Variants in WDR5 observed in about 807,000 individuals in gnomAD.
The protein encoded by WDR5 is WD repeat domain 5.
For synonymous variants in WDR5, 144 were observed against 161.6 expected, an observed-to-expected ratio of 0.89 and a Z score of 0.83; for missense variants, 187 against 416.9, an observed-to-expected ratio of 0.45 and a Z score of 4.80.
chr9:134,139,802 C>T lies in WDR5; in HGVS notation c.-58-18C>T. The T allele has an allele frequency of 1.3e-6, 2 of 1,494,384 alleles. No individual in the cohort carries two copies. The highest frequency in any genetic ancestry group is 1.9e-6 in the Non-Finnish European group (2 of 1,080,758). 92.6% of individuals were successfully genotyped at this position (1,494,384 alleles called of 1,614,324 possible). A position where few individuals can be genotyped will look rare whatever the true frequency, so the allele number is the denominator to read the frequency against. On this transcript the variant is annotated intron_variant, in intron 1 of 13. Transcript: ENST00000358625. ...ATAGTTTGTTTCTTGGCTCCCTGTTCTGCATCTCGCTCAACAGACTGCCTC... is the reference window on the plus strand; with the variant it reads ...ATAGTTTGTTTCTTGGCTCCCTGTTTTGCATCTCGCTCAACAGACTGCCTC...
chr9:134,154,360 G>T, intron 9 of WDR5, 106 bp from the exon 10 acceptor site: 2 of 1,165,268 alleles, frequency 1.7e-6, no homozygotes, highest in South Asian at 1.3e-5. Context: ...GGTGGTGGCC[G>T]ACCTCACTCA....
intron 9 of WDR5, 62 bp from the exon 10 acceptor site, chr9:134,154,404 A>T: frequency 6.4e-7 from 1 of 1,563,790 alleles, no homozygotes; most frequent in Non-Finnish European, 8.8e-7. Context: ...AGCGGGTCCC[A>T]CCTCCTGTCC....
At chr9:134,137,820 C>G (rs1831656900) in intron 1 of WDR5, among the ~76,000 whole-genome samples, 1 of 152,244 alleles carries the variant, frequency 6.6e-6, no homozygotes, top group South Asian at 2.1e-4. Context: ...GTGGCGCAAT[C>G]TTGGTTCTGC....
chr9:134,153,689 G>A (rs920141352), intron 9 of WDR5, among the ~76,000 whole-genome samples: 6 of 152,192 alleles, frequency 3.9e-5, no homozygotes, highest in Admixed American at 1.3e-4. Flanking sequence ...TGGTAATGCT[G>A]AGGGCCGTGT....
chr9:134,148,390 G>C, intron 8 of WDR5, 47 bp downstream of exon 8: 1 of 1,544,682 alleles, frequency 6.5e-7, no homozygotes, highest in South Asian at 1.1e-5. Context: ...GCTTAACTAA[G>C]GGCCAGCTCT....
chr9:134,141,457 G>A, intron 3 of WDR5, 53 bp from the exon 4 acceptor site: 1 of 1,582,568 alleles, frequency 6.3e-7, no homozygotes. Context: ...GACTCTGGAT[G>A]ACTAGACAAT....
chr9:134,156,471 T>C, intron 12 of WDR5, 35 bp from the exon 13 acceptor site: 4 of 1,604,004 alleles, frequency 2.5e-6, no homozygotes, highest in Non-Finnish European at 3.4e-6. Flanking sequence ...GACCTGCTTT[T>C]CCTTGCCCTG....
At chr9:134,140,655 T>G in intron 2 of WDR5, 48 bp from the exon 3 acceptor site, 1 of 1,508,210 alleles carries the variant, frequency 6.6e-7, no homozygotes. Context: ...TGGTCACGGG[T>G]GGAACGTACA....
chr9:134,142,782 GC>G, intron 7 of WDR5, 63 bp downstream of exon 7: 1 of 1,545,724 alleles, frequency 6.5e-7, no homozygotes, highest in Non-Finnish European at 8.9e-7. Context: ...ATCGGATGTG[GC>G]CAGCTGTCTC....
intron 7 of WDR5, 101 bp downstream of exon 7, chr9:134,142,820 C>G: frequency 8.1e-7 from 1 of 1,235,890 alleles, no homozygotes; most frequent in Non-Finnish European, 1.2e-6. Context: ...CTGGCCATGG[C>G]CTGTGCCTAG....
In WDR5 at chr9:134,152,535, G is replaced by A. The variant is rs28372151; in HGVS notation, c.631+506G>A. Among the ~76,000 whole-genome samples, 459 of 152,340 alleles carry A rather than the reference G, an allele frequency of 3.0e-3. 3 individuals are homozygous for A. The highest frequency in any genetic ancestry group is 0.022 in the South Asian group (104 of 4,828). ...GTGCTGGGCAGGGTGTGGCCTGAGG[G>A]TCTGTGACGGCCCGGGGTTCCCAGC... On this transcript the variant is annotated intron_variant, in intron 9 of 13. Transcript: ENST00000358625.
intron 11 of WDR5, 124 bp downstream of exon 11, chr9:134,155,497 T>C (rs1832707517): frequency 7.2e-7 from 1 of 1,388,230 alleles, no homozygotes; most frequent in Non-Finnish European, 9.8e-7. Context: ...CCGCTGGGTT[T>C]GGTGCGAATT....
At chr9:134,143,979 G>A (rs999048481) in intron 7 of WDR5, among the ~76,000 whole-genome samples, 17 of 152,352 alleles carry the variant, frequency 1.1e-4, no homozygotes, top group Middle Eastern at 3.4e-3. Context: ...GTTGAGAAGC[G>A]GAAGGAAGGG....
chr9:134,150,933 T>C (rs1246079888), intron 8 of WDR5, among the ~76,000 whole-genome samples: 1 of 152,180 alleles, frequency 6.6e-6, no homozygotes, highest in Non-Finnish European at 1.5e-5. Context: ...ACAAAAATGC[T>C]AAGATGTTTA....
intron 8 of WDR5, among the ~76,000 whole-genome samples, chr9:134,148,713 C>T (rs1832342299): frequency 1.3e-5 from 2 of 152,102 alleles, no homozygotes; most frequent in African/African-American, 4.8e-5. Context: ...CTGAGTGATG[C>T]CGTCTTGCCC....
chr9:134,137,391 G>A (rs1420844950), intron 1 of WDR5, among the ~76,000 whole-genome samples: 1 of 152,096 alleles, frequency 6.6e-6, no homozygotes, highest in East Asian at 1.9e-4. Context: ...TCATGAAAAT[G>A]CCAAGCCTTG....
chr9:134,144,371 CAAATG>C (rs1175766367), intron 7 of WDR5, among the ~76,000 whole-genome samples: 1 of 152,150 alleles, frequency 6.6e-6, no homozygotes, highest in African/African-American at 2.4e-5. Context: ...CTGGGGCTGA[CAAATG>C]AACGCTTGTG....
In WDR5 at chr9:134,158,040, A is replaced by G; in HGVS notation, c.*47A>G. The G allele has an allele frequency of 6.3e-7, 1 of 1,576,066 alleles. No homozygotes were observed. Among genetic ancestry groups the G allele is most frequent in the Admixed American group, 1.7e-5 (1 of 59,844 alleles). Reference sequence around the variant, plus strand: ...AGAGACTGTCGGGAAGTTGACCCGGATTGGCAAGAAACAGGGTGTCTTGGA... The same window carrying G: ...AGAGACTGTCGGGAAGTTGACCCGGGTTGGCAAGAAACAGGGTGTCTTGGA... On this transcript the variant is annotated 3_prime_UTR_variant, in exon 14 of 14. Transcript: ENST00000358625.
At chr9:134,141,863 G>T in intron 4 of WDR5, 86 bp from the exon 5 acceptor site, 1 of 1,317,358 alleles carries the variant, frequency 7.6e-7, no homozygotes. Flanking sequence ...TTTCCTGAGG[G>T]CAATGGGGAT....
Sources: allele counts gnomAD v4.1 joint callset (sites outside exome capture counted in the v4.1 genomes callset), GRCh38; gene constraint gnomAD v4.1.1; transcripts MANE v1.5; gene names NCBI Gene and HGNC (gene_info 2026-07-23, HGNC 2026-07-21).